Variants in TRIM5 observed in about 807,000 individuals in gnomAD.
TRIM5 encodes tripartite motif containing 5.
Under a neutral mutation model 35.6 loss-of-function variants are expected in TRIM5, and 31 were observed. That is an observed-to-expected ratio of 0.87 (90% CI 0.65 to 1.18). The LOEUF is 1.18. Ranked by LOEUF, TRIM5 falls within the 50% of genes most tolerant of loss-of-function variation. TRIM5 has a pLI of 0.00. For synonymous variants in TRIM5, 243 were observed against 215.6 expected, an observed-to-expected ratio of 1.13 and a Z score of -1.11; for missense variants, 609 against 591.6, an observed-to-expected ratio of 1.03 and a Z score of -0.31.
the TRIM5 span, among the ~76,000 whole-genome samples, chr11:5,599,468 A>G: frequency 6.6e-6 from 1 of 152,002 alleles, no homozygotes; most frequent in Non-Finnish European, 1.5e-5. Flanking sequence ...CAGTGGCACG[A>G]TCTCGACTCA....
chr11:5,633,228 C>G, the TRIM5 span, among the ~76,000 whole-genome samples: 1 of 149,984 alleles, frequency 6.7e-6, no homozygotes, highest in Non-Finnish European at 1.5e-5. Context: ...AAGGAGTCAG[C>G]CCTTTTCATC....
the TRIM5 span, among the ~76,000 whole-genome samples, chr11:5,657,647 TATTA>T: frequency 1.6e-5 from 2 of 122,658 alleles, no homozygotes; most frequent in Non-Finnish European, 3.2e-5. Context: ...ATTATTTATA[TATTA>T]TATATAATAT....
the TRIM5 span, among the ~76,000 whole-genome samples, chr11:5,626,259 T>C: frequency 4.6e-5 from 7 of 152,170 alleles, no homozygotes; most frequent in Admixed American, 2.0e-4. Context: ...ATTCAATAAA[T>C]ATGAAATATA....
At chr11:5,626,882 CAA>C in the TRIM5 span, 13 of 127,982 alleles carry the variant, frequency 1.0e-4, no homozygotes, top group Admixed American at 1.6e-4. Context: ...GACTCTGTCT[CAA>C]AAAAAAAAAA....
intron 4 of TRIM5, among the ~76,000 whole-genome samples, chr11:5,673,292 C>G (rs1473412384): frequency 6.6e-6 from 1 of 151,924 alleles, no homozygotes; most frequent in Non-Finnish European, 1.5e-5. Flanking sequence ...TAATATTAGA[C>G]CAAAGATACT....
intron 3 of TRIM5, among the ~76,000 whole-genome samples, chr11:5,678,864 A>G (rs1357311589): frequency 1.3e-5 from 2 of 152,212 alleles, no homozygotes; most frequent in African/African-American, 4.8e-5. Flanking sequence ...CATCCTCACC[A>G]GAGAGATCCT....
Position 5,664,830 on chromosome 11 carries a change from A to C in TRIM5, c.1461T>G (p.Thr487=). Residue 487 remains threonine, a synonymous_variant, in exon 8 of 8, where the codon ACT becomes ACG. Transcript: ENST00000380034. ...AGGTTCAAGAGCTTGGTGAGCACAG[A>C]GTCATGGGGACTCCACATTTTCTAG... ...LNPRKCGVPM[T]LCSPSS 1 of 1,601,338 alleles carries C rather than the reference A, an allele frequency of 6.2e-7. No individual in the cohort carries two copies.
the TRIM5 span, chr11:5,634,527 AC>A: frequency 7.6e-6 from 5 of 656,856 alleles, no homozygotes; most frequent in African/African-American, 2.1e-5. Context: ...ACACACACAC[AC>A]ACATATATAT....
the TRIM5 span, among the ~76,000 whole-genome samples, chr11:5,597,219 C>T: frequency 8.5e-5 from 13 of 152,206 alleles, no homozygotes; most frequent in Middle Eastern, 6.8e-3. Flanking sequence ...TAGTTTCTTC[C>T]ATCTATAAGA....
At chr11:5,608,547 TAAAG>T in the TRIM5 span, among the ~76,000 whole-genome samples, 1 of 151,882 alleles carries the variant, frequency 6.6e-6, no homozygotes, top group South Asian at 2.1e-4. Context: ...CATCCCCAAA[TAAAG>T]GGGATGAACT....
At chr11:5,654,006 G>T in the TRIM5 span, among the ~76,000 whole-genome samples, 1 of 151,506 alleles carries the variant, frequency 6.6e-6, no homozygotes, top group Non-Finnish European at 1.5e-5. Context: ...TTTCTGTTTG[G>T]CTCTTTTTAT....
chr11:5,604,814 T>A, the TRIM5 span: 3 of 577,982 alleles, frequency 5.2e-6, no homozygotes, highest in Middle Eastern at 4.7e-4. Context: ...AGCAAATATA[T>A]CAAAACTGAA....
chr11:5,592,551 A>T, the TRIM5 span, among the ~76,000 whole-genome samples: 28 of 152,300 alleles, frequency 1.8e-4, no homozygotes, highest in Non-Finnish European at 2.8e-4. Context: ...ATATAGTTTA[A>T]TATGTGTCTG....
the TRIM5 span, among the ~76,000 whole-genome samples, chr11:5,601,694 G>T: frequency 1.3e-5 from 2 of 152,082 alleles, no homozygotes; most frequent in Admixed American, 6.5e-5. Flanking sequence ...GGAGGCAGAG[G>T]TTGCAGTGAG....
At chr11:5,680,600 A>C (rs907409556) in intron 1 of TRIM5, among the ~76,000 whole-genome samples, 2 of 152,188 alleles carry the variant, frequency 1.3e-5, no homozygotes, top group African/African-American at 4.8e-5. Flanking sequence ...TATTAAAATC[A>C]CCAAACAGCT....
intron 4 of TRIM5, among the ~76,000 whole-genome samples, chr11:5,677,269 C>A (rs562310423): frequency 6.6e-6 from 1 of 152,082 alleles, no homozygotes; most frequent in African/African-American, 2.4e-5. Flanking sequence ...AAAAAACAAA[C>A]AACCCCATCA....
At chr11:5,652,234 T>G in the TRIM5 span, among the ~76,000 whole-genome samples, 8 of 152,218 alleles carry the variant, frequency 5.3e-5, no homozygotes, top group African/African-American at 1.9e-4. Context: ...CATGACATCT[T>G]TGCCAGGGCC....
At chr11:5,645,420 A>G in the TRIM5 span, among the ~76,000 whole-genome samples, 3 of 151,848 alleles carry the variant, frequency 2.0e-5, no homozygotes, top group Non-Finnish European at 4.4e-5. Context: ...ACTGTGAAAA[A>G]AGTGGTTTGT....
At chr11:5,622,071 T>C in the TRIM5 span, among the ~76,000 whole-genome samples, 1 of 152,196 alleles carries the variant, frequency 6.6e-6, no homozygotes, top group East Asian at 1.9e-4. Flanking sequence ...ACTAGACAGT[T>C]GTTAAGAAAA....
Sources: gnomAD v4.1 joint callset for allele counts (sites outside exome capture counted in the v4.1 genomes callset) on GRCh38, gnomAD v4.1.1 for gene constraint, MANE v1.5 for transcripts, NCBI Gene and HGNC (gene_info 2026-07-23, HGNC 2026-07-21) for gene names.